Variants in ZNF726 observed in about 807,000 individuals in gnomAD.
ZNF726 encodes zinc finger protein 726, also known as zinc finger protein 92 pseudogene 3.
Under a neutral mutation model 11.6 loss-of-function variants are expected in ZNF726, and 15 were observed. That is an observed-to-expected ratio of 1.29 (90% CI 0.86 to 1.99). The LOEUF (loss-of-function observed/expected upper bound fraction) is 1.99, where lower values mean the gene tolerates loss of function less well. Ranked by LOEUF, ZNF726 falls within the 30% of genes most tolerant of loss-of-function variation. The pLI is 0.00. For synonymous variants in ZNF726, 295 were observed against 243.6 expected, an observed-to-expected ratio of 1.21 and a Z score of -1.96; for missense variants, 890 against 725.6, an observed-to-expected ratio of 1.23 and a Z score of -2.60.
chr19:23,915,079 G>A (rs1967663411), intron 1 of ZNF726, 82 bp downstream of exon 1: 1 of 1,601,950 alleles, frequency 6.2e-7, no homozygotes. Context: ...CGGGACTCAG[G>A]CCTCCTCGCT....
At chr19:23,924,962 T>C (rs1967947919) in intron 3 of ZNF726, among the ~76,000 whole-genome samples, 1 of 152,216 alleles carries the variant, frequency 6.6e-6, no homozygotes, top group African/African-American at 2.4e-5. Flanking sequence ...CTTCTAGAAA[T>C]TTTACATCTT....
In ZNF726 at chr19:23,934,109, AT is replaced by A; in HGVS notation, c.*144del. On this transcript the variant is annotated 3_prime_UTR_variant, in exon 4 of 4. Transcript: ENST00000594466. ...TTTTAATCCTCAAATCTTACTAAACATTAGATAATTCACACTGGAGAGAAAC... is the reference window on the plus strand; with the variant it reads ...TTTTAATCCTCAAATCTTACTAAACATAGATAATTCACACTGGAGAGAAAC... 8.9e-7 allele frequency: 1 copy of A among 1,120,750 alleles called. No homozygotes were observed. Among genetic ancestry groups the A allele is most frequent in the Non-Finnish European group, 1.3e-6 (1 of 745,560 alleles). The allele number at this position is 1,120,750 out of a possible 1,614,324, so 69.4% of individuals were successfully genotyped here.
At chr19:23,929,656 A>G (rs968966902) in intron 3 of ZNF726, among the ~76,000 whole-genome samples, 6 of 152,226 alleles carry the variant, frequency 3.9e-5, no homozygotes, top group South Asian at 2.1e-4. Context: ...TGGAGTTTAC[A>G]TGAAACATCT....
chr19:23,936,302 A>G (rs1210227704), downstream of ZNF726: 1 of 152,224 alleles, frequency 6.6e-6, no homozygotes, highest in Non-Finnish European at 1.5e-5. Context: ...AGGAAATAAT[A>G]CAAACTAAAG....
rs772555695 is a variant in ZNF726 at position 23,932,664 on chromosome 19, G to C, written c.548G>C (p.Cys183Ser). The C allele has an allele frequency of 1.1e-5, 17 of 1,582,188 alleles. No individual in the cohort carries two copies. The South Asian group carries it at 1.6e-4, about 15-fold the overall frequency. ...TGTAAAAATTGTGTCAAATCATTTT[G>C]CATGTTTTCACACAAAACCCAGCAT... is the stretch of plus-strand genomic sequence containing the variant. ...FKCKNCVKSF[C>S]MFSHKTQHKS... Residue 183 changes from cysteine (C) to serine (S), a missense_variant, in exon 4 of 4, where the codon TGC becomes TCC. Coordinates refer to ENST00000594466, the MANE Select transcript of ZNF726 (RefSeq NM_001244038.2).
intron 2 of ZNF726, chr19:23,919,731 G>A (rs1019889764): frequency 3.8e-6 from 2 of 520,770 alleles, no homozygotes; most frequent in African/African-American, 4.0e-5. Flanking sequence ...CAGAACCTTA[G>A]TGGCATAAAA....
chr19:23,939,862 A>ATTTTTTTTTTTTTTTTTTTTTTTTTT, intron 3 of ZNF726, among the ~76,000 whole-genome samples: 1 of 87,154 alleles, frequency 1.1e-5, no homozygotes, highest in Admixed American at 1.2e-4. Context: ...TTTTGATGGG[A>ATTTTTTTTTTTTTTTTTTTTTTTTTT]TTTTTTTTTT....
chr19:23,915,041 G>A (rs548402566), intron 1 of ZNF726, 44 bp downstream of exon 1: 1 of 1,613,686 alleles, frequency 6.2e-7, no homozygotes, highest in East Asian at 2.2e-5. Context: ...GAACGGGGCT[G>A]GCTGGAACCG....
At chr19:23,940,534 G>A (rs1029041415) in intron 3 of ZNF726, among the ~76,000 whole-genome samples, 11 of 152,076 alleles carry the variant, frequency 7.2e-5, no homozygotes, top group African/African-American at 2.7e-4. Flanking sequence ...AAGAATGATG[G>A]TGGTATTTTG....
intron 3 of ZNF726, among the ~76,000 whole-genome samples, chr19:23,922,033 GGGTGATAGAAT>G (rs1967865971): frequency 6.6e-6 from 1 of 152,194 alleles, no homozygotes. Context: ...TGTACCCCCA[GGGTGATAGAAT>G]ATCCTCTGGG....
In ZNF726 at chr19:23,932,393, G is replaced by T; in HGVS notation, c.277G>T (p.Asp93Tyr). The change falls in exon 4 of 4, where the codon GAT becomes TAT. Residue 93 changes from aspartate to tyrosine, a missense_variant. By Grantham distance (160) the Asp-to-Tyr change is radical. Transcript: ENST00000594466. ...QDIWPEQGVE[D>Y]SFQKVILRRF... ...CATTTGGCCAGAGCAGGGCGTGGAA[G>T]ATTCTTTTCAAAAAGTAATACTAAG... 3.9e-6 allele frequency: 6 copies of T among 1,521,098 alleles called. No individual in the cohort carries two copies. The highest frequency in any genetic ancestry group is 1.4e-5 in the South Asian group (1 of 70,578). The allele number at this position is 1,521,098 out of a possible 1,614,324, so 94.2% of individuals were successfully genotyped here. A position where few individuals can be genotyped will look rare whatever the true frequency, so the allele number is the denominator to read the frequency against.
chr19:23,923,385 A>G (rs898877622), intron 3 of ZNF726: 19 of 395,352 alleles, frequency 4.8e-5, no homozygotes, highest in African/African-American at 1.4e-4. Context: ...CTGAAATTTT[A>G]TTGCCATACA....
chr19:23,928,519 T>G (rs1213225235), intron 3 of ZNF726: 1 of 152,176 alleles, frequency 6.6e-6, no homozygotes, highest in Non-Finnish European at 1.5e-5. Context: ...GATAGATAGA[T>G]AGATAGATAT....
intron 3 of ZNF726, among the ~76,000 whole-genome samples, chr19:23,925,903 GAC>G (rs1967975514): frequency 6.6e-6 from 1 of 151,638 alleles, no homozygotes. Context: ...TTTTAGTAGA[GAC>G]AGAGTTTCAC....
chr19:23,933,594 C>A lies in ZNF726; in HGVS notation c.1478C>A (p.Ser493Tyr). ...GAATGTGGCAAAGCTTTTAGCCAGT[C>A]CTCAACCCTTACTGCACATAAGATA... Reference protein sequence around the residue: ...CEECGKAFSQSSTLTAHKIIH... With the variant: ...CEECGKAFSQYSTLTAHKIIH... The change falls in exon 4 of 4, where the codon TCC (serine) becomes TAC (tyrosine). Residue 493 changes from serine (S) to tyrosine (Y), a missense_variant. Transcript: ENST00000594466. 3 of 1,611,148 alleles carry A rather than the reference C, an allele frequency of 1.9e-6. No homozygotes were observed. The highest frequency in any genetic ancestry group is 2.5e-6 in the Non-Finnish European group (3 of 1,179,116).
chr19:23,929,006 A>G (rs1449108161), intron 3 of ZNF726: 1 of 151,966 alleles, frequency 6.6e-6, no homozygotes, highest in Admixed American at 6.6e-5. Flanking sequence ...CCGCGTTGCC[A>G]AGGCTGGTCT....
At position 23,943,611 on chromosome 19, in the gene ZNF726, C is replaced by T. The variant is rs967641296; in HGVS notation, c.322+22C>T. ...TCAGGTAGGTAAGCATGAATGAAGC[C>T]GATAACACAGATGACAGGTTCAAAG... On this transcript the variant is annotated intron_variant, in intron 4 of 4. Transcript: ENST00000334589. 1.5e-5 allele frequency: 9 copies of T among 594,300 alleles called. No homozygotes were observed. In the East Asian group the frequency reaches 1.7e-4, roughly 11 times the overall value. The allele number at this position is 594,300 out of a possible 1,614,324, so 36.8% of individuals were successfully genotyped here. A position where few individuals can be genotyped will look rare whatever the true frequency, so the allele number is the denominator to read the frequency against.
At chr19:23,919,618 T>G (rs1266898614) in intron 2 of ZNF726, 119 bp downstream of exon 2, 23 of 1,306,724 alleles carry the variant, frequency 1.8e-5, no homozygotes, top group Non-Finnish European at 2.3e-5. Context: ...ATCCTGGGGA[T>G]TTGTCTGTTT....
At chr19:23,922,860 G>A (rs574535018) in intron 3 of ZNF726, among the ~76,000 whole-genome samples, 48 of 151,922 alleles carry the variant, frequency 3.2e-4, no homozygotes, top group African/African-American at 1.0e-3. Context: ...TCTCATAAAA[G>A]CATTTTTGTC....
Sources: allele counts gnomAD v4.1 joint callset (sites outside exome capture counted in the v4.1 genomes callset), GRCh38; gene constraint gnomAD v4.1.1; transcripts MANE v1.5; gene names NCBI Gene and HGNC (gene_info 2026-07-23, HGNC 2026-07-21).